ITGB6: variants seen among roughly 807,000 people sequenced by gnomAD.
The protein encoded by ITGB6 is integrin beta-6.
Under a neutral mutation model 84.5 loss-of-function variants are expected in ITGB6, and 80 were observed. The observed-to-expected ratio is 0.95, with a 90% CI of 0.79 to 1.14. The LOEUF is 1.14. Ranked by LOEUF, ITGB6 falls within the 50% of genes most tolerant of loss-of-function variation. The probability of loss-of-function intolerance (pLI) is 0.00; values close to 1 mark genes in which losing one functional copy is unlikely to be tolerated. For missense variants in ITGB6, 1,006 were observed against 968.0 expected, an observed-to-expected ratio of 1.04 and a Z score of -0.52; for synonymous variants, 383 against 354.9, an observed-to-expected ratio of 1.08 and a Z score of -0.89.
chr2:160,143,662 G>C (rs748572451), intron 7 of ITGB6, among the ~76,000 whole-genome samples: 4 of 152,076 alleles, frequency 2.6e-5, no homozygotes, highest in Admixed American at 1.3e-4. Context: ...AGGATTTAAG[G>C]CATCTCATAT....
intron 4 of ITGB6, among the ~76,000 whole-genome samples, chr2:160,177,570 CAAA>C (rs1330102516): frequency 1.5e-5 from 2 of 130,042 alleles, no homozygotes; most frequent in Admixed American, 7.8e-5. Flanking sequence ...GATTCTGTCT[CAAA>C]AAAAAAAAAA....
intron 4 of ITGB6, among the ~76,000 whole-genome samples, chr2:160,185,574 T>A (rs1166872358): frequency 1.3e-5 from 2 of 152,192 alleles, no homozygotes; most frequent in African/African-American, 4.8e-5. Flanking sequence ...TTCAATGCTA[T>A]CCCCATCAAG....
intron 2 of ITGB6, among the ~76,000 whole-genome samples, chr2:160,198,125 A>C (rs897459544): frequency 6.6e-6 from 1 of 152,178 alleles, no homozygotes; most frequent in Admixed American, 6.5e-5. Context: ...CTTCTTCAAG[A>C]AGTCAATATC....
intron 10 of ITGB6, among the ~76,000 whole-genome samples, chr2:160,130,930 C>T (rs1683443019): frequency 6.6e-6 from 1 of 152,148 alleles, no homozygotes; most frequent in African/African-American, 2.4e-5. Context: ...TAGAAAAGGA[C>T]CATCATGGCA....
At chr2:160,156,363 A>AG (rs1684623719) in intron 7 of ITGB6, among the ~76,000 whole-genome samples, 2 of 152,158 alleles carry the variant, frequency 1.3e-5, no homozygotes, top group African/African-American at 4.8e-5. Context: ...TTGCCAACTC[A>AG]GGGGCCTTAC....
chr2:160,161,859 C>G (rs980705763), intron 7 of ITGB6, among the ~76,000 whole-genome samples: 1 of 152,106 alleles, frequency 6.6e-6, no homozygotes, highest in African/African-American at 2.4e-5. Flanking sequence ...TTATAGATGC[C>G]ATTCCCCTGT....
intron 10 of ITGB6, among the ~76,000 whole-genome samples, chr2:160,135,332 A>T (rs1683661411): frequency 1.3e-5 from 2 of 152,202 alleles, no homozygotes; most frequent in Admixed American, 6.5e-5. Context: ...AATGCCTAGG[A>T]ATCCAACTTA....
chr2:160,162,837 C>T (rs1404717090), intron 7 of ITGB6, among the ~76,000 whole-genome samples: 2 of 152,176 alleles, frequency 1.3e-5, no homozygotes, highest in Non-Finnish European at 2.9e-5. Flanking sequence ...CTAGGCTGCT[C>T]TTGAACTCCT....
chr2:160,199,407 A>T (rs1354683667), intron 1 of ITGB6, 149 bp from the exon 2 acceptor site: 3 of 601,416 alleles, frequency 5.0e-6, no homozygotes, highest in African/African-American at 3.7e-5. Context: ...AGCAATTCAC[A>T]TAAAAGTTTG....
intron 13 of ITGB6, among the ~76,000 whole-genome samples, chr2:160,110,849 C>T (rs1682470674): frequency 6.6e-6 from 1 of 152,164 alleles, no homozygotes; most frequent in African/African-American, 2.4e-5. Context: ...GCTCTGCTGG[C>T]CCCTGGAAGT....
rs57363305 is a variant in ITGB6 at position 160,108,214 on chromosome 2, AGTGTGTGTGT to A, written c.2102-379_2102-370del. ...TGAGTTCACGATAAAGCAGAAATGG[AGTGTGTGTGT>A]GTGTGTGTGTGTGTGTGTGTGTGTG... On this transcript the variant is annotated intron_variant, in intron 13 of 14. Coordinates refer to ENST00000283249, the MANE Select transcript of ITGB6 (RefSeq NM_000888.5). Among the ~76,000 whole-genome samples, 546 of 142,804 alleles carry A rather than the reference AGTGTGTGTGT, an allele frequency of 3.8e-3. 9 individuals are homozygous for A. Among genetic ancestry groups the A allele is most frequent in the South Asian group, 0.012 (53 of 4,354 alleles). 93.7% of individuals were successfully genotyped at this position (142,804 alleles called of 152,430 possible). A position where few individuals can be genotyped will look rare whatever the true frequency, so the allele number is the denominator to read the frequency against.
intron 7 of ITGB6, among the ~76,000 whole-genome samples, chr2:160,162,227 C>T (rs541955123): frequency 2.3e-4 from 35 of 151,948 alleles, no homozygotes; most frequent in Non-Finnish European, 4.0e-4. Flanking sequence ...TGTATCTTAC[C>T]ATAATAAGAA....
At chr2:160,104,005 G>A (rs1696812692) in intron 14 of ITGB6, among the ~76,000 whole-genome samples, 1 of 152,194 alleles carries the variant, frequency 6.6e-6, no homozygotes, top group Non-Finnish European at 1.5e-5. Flanking sequence ...ATAACACAAT[G>A]TTATTTAGTA....
intron 4 of ITGB6, among the ~76,000 whole-genome samples, chr2:160,193,407 T>TA (rs1452963696): frequency 2.0e-5 from 3 of 152,212 alleles, no homozygotes; most frequent in Non-Finnish European, 4.4e-5. Context: ...TATATTTATA[T>TA]AAAATTCAGG....
chr2:160,125,396 T>C (rs997600739), intron 11 of ITGB6, among the ~76,000 whole-genome samples: 2 of 152,238 alleles, frequency 1.3e-5, no homozygotes, highest in Non-Finnish European at 2.9e-5. Context: ...GATTGAATCA[T>C]ATTTATAGAG....
chr2:160,128,062 A>G (rs150626043), intron 10 of ITGB6, among the ~76,000 whole-genome samples: 11 of 152,344 alleles, frequency 7.2e-5, no homozygotes, highest in Non-Finnish European at 1.6e-4. Context: ...AATTGAGCAT[A>G]TACTATGTGC....
intron 4 of ITGB6, among the ~76,000 whole-genome samples, chr2:160,193,668 A>G (rs1291490508): frequency 2.0e-5 from 3 of 152,174 alleles, no homozygotes; most frequent in Admixed American, 6.5e-5. Context: ...TATTGCCCCT[A>G]TTTTCCTCCT....
chr2:160,147,034 G>A (rs1684222898), intron 7 of ITGB6, among the ~76,000 whole-genome samples: 1 of 151,026 alleles, frequency 6.6e-6, no homozygotes, highest in Non-Finnish European at 1.5e-5. Flanking sequence ...GGGAGGTTGG[G>A]GCTGCAGCCA....
chr2:160,169,113 A>G (rs1304221088), intron 7 of ITGB6, 99 bp downstream of exon 7: 1 of 694,500 alleles, frequency 1.4e-6, no homozygotes, highest in Non-Finnish European at 2.5e-6. Flanking sequence ...GTTAATGATT[A>G]TCTAATGGCC....
Sources: allele counts gnomAD v4.1 joint callset (sites outside exome capture counted in the v4.1 genomes callset), GRCh38; gene constraint gnomAD v4.1.1; transcripts MANE v1.5; gene names NCBI Gene and HGNC (gene_info 2026-07-23, HGNC 2026-07-21).